ZNF182: variants seen among roughly 807,000 people sequenced by gnomAD.
ZNF182 encodes the protein zinc finger protein 182, also known as zinc finger protein 21 (KOX 14).
A neutral mutation model predicts 28.1 loss-of-function variants in ZNF182; 10 were observed. That is an observed-to-expected ratio of 0.36 (90% CI 0.22 to 0.60). The LOEUF (loss-of-function observed/expected upper bound fraction) is 0.60. ZNF182 is among the 20% of genes least tolerant of loss of function. The pLI is 0.75. For synonymous variants in ZNF182, 156 were observed against 158.7 expected, an observed-to-expected ratio of 0.98 and a Z score of 0.13; for missense variants, 352 against 453.2, an observed-to-expected ratio of 0.78 and a Z score of 2.03.
chrX:47,984,603 G>A (rs1272637235), intron 3 of ZNF182, among the ~76,000 whole-genome samples: 1 of 111,248 alleles, frequency 9.0e-6, no homozygotes, highest in Non-Finnish European at 1.9e-5. Flanking sequence ...ACTGCATGTT[G>A]TGAAGCAGGT....
Position 47,977,664 on chromosome X carries a change from T to C in ZNF182, c.366A>G (p.Gly122=). The change falls in exon 6 of 6, where the codon GGA becomes GGG. Residue 122 remains glycine (G), a synonymous_variant. Transcript: ENST00000376943. ...GGTTTGTACTCAGATGAAGTATGTT[T>C]CCAAACTCATGACAGTCACGAGCAC... is the stretch of plus-strand genomic sequence containing the variant. ...TKSARDCHEF[G]NILHLSTNLV... 1 of 1,211,533 alleles carries C rather than the reference T, an allele frequency of 8.3e-7. No homozygotes were observed. The highest frequency in any genetic ancestry group is 1.1e-6 in the Non-Finnish European group (1 of 895,298).
Position 47,976,452 on chromosome X carries a change from A to C in ZNF182, c.1578T>G (p.Pro526=), listed in dbSNP as rs201458887. 150 of 1,209,942 alleles carry C rather than the reference A, an allele frequency of 1.2e-4. No homozygotes were observed. Among genetic ancestry groups the C allele is most frequent in the Non-Finnish European group, 1.1e-4 (96 of 895,277 alleles). The part of the protein sequence containing the change: ...IHTGEKPYEC[P]VCWKAFSQKS... The stretch of plus-strand genomic sequence containing the variant: ...TCTGGCTAAAAGCTTTCCAACACAC[A>C]GGACATTCATAAGGTTTCTCTCCTG... Residue 526 remains proline, a synonymous_variant, in exon 6 of 6, where the codon CCT becomes CCG. Transcript: ENST00000376943.
chrX:47,979,826 A>G (rs2058898063), intron 5 of ZNF182, among the ~76,000 whole-genome samples: 1 of 109,268 alleles, frequency 9.2e-6, no homozygotes, highest in Non-Finnish European at 1.9e-5. Flanking sequence ...ATTTTGAGCC[A>G]TAGGAGAGGG....
intron 5 of ZNF182, among the ~76,000 whole-genome samples, chrX:47,982,290 C>G (rs1157238583): frequency 9.0e-6 from 1 of 111,443 alleles, no homozygotes; most frequent in African/African-American, 3.3e-5. Flanking sequence ...CAAAATAGAT[C>G]AGTGGTTGCC....
In ZNF182 at chrX:47,977,332, T is replaced by C; in HGVS notation, c.698A>G (p.His233Arg). The C allele has an allele frequency of 8.3e-7, 1 of 1,208,809 alleles. No individual in the cohort carries two copies. Among genetic ancestry groups the C allele is most frequent in the Non-Finnish European group, 1.1e-6 (1 of 894,642 alleles). The change falls in exon 6 of 6, where the codon CAT becomes CGT. Residue 233 changes from histidine (H) to arginine (R), a missense_variant. His to Arg is a conservative substitution (Grantham distance 29). Transcript: ENST00000376943. ...TFSKKSHLIV[H>R]WRTHTGEKPF... ...TTTCTCTCCCGTATGAGTTCTCCAATGTACAATGAGGTGTGACTTCTTGCT... is the reference window on the plus strand; with the variant it reads ...TTTCTCTCCCGTATGAGTTCTCCAACGTACAATGAGGTGTGACTTCTTGCT...
At position 47,976,288 on chromosome X, in the gene ZNF182, C is replaced by T. The variant is rs1556898087; in HGVS notation, c.1742G>A (p.Cys581Tyr). ...GGTAAAGGCTTTCCCACATTCTGTACATTTATAGGGTTTCTCTCCAGTATG... is the reference window on the plus strand; with the variant it reads ...GGTAAAGGCTTTCCCACATTCTGTATATTTATAGGGTTTCTCTCCAGTATG... ...RTHTGEKPYK[C>Y]TECGKAFTQK... Residue 581 changes from cysteine to tyrosine, a missense_variant, in exon 6 of 6, where the codon TGT becomes TAT. By Grantham distance (194) the Cys-to-Tyr change is radical. Transcript: ENST00000376943. 8.3e-7 allele frequency: 1 copy of T among 1,206,877 alleles called. No individual in the cohort carries two copies. Among genetic ancestry groups the T allele is most frequent in the Non-Finnish European group, 1.1e-6 (1 of 893,804 alleles).
At chrX:47,980,383 G>A (rs2058901343) in intron 5 of ZNF182, among the ~76,000 whole-genome samples, 1 of 111,374 alleles carries the variant, frequency 9.0e-6, no homozygotes, top group Non-Finnish European at 1.9e-5. Flanking sequence ...GTGTTACATT[G>A]CACAGCAGGG....
chrX:47,988,968 T>A (rs2058932166), intron 3 of ZNF182, among the ~76,000 whole-genome samples: 1 of 112,415 alleles, frequency 8.9e-6, no homozygotes. Context: ...AATCAATGGA[T>A]AATAATACTA....
intron 3 of ZNF182, among the ~76,000 whole-genome samples, chrX:47,987,012 A>G (rs1251547944): frequency 1.8e-5 from 2 of 112,013 alleles, no homozygotes; most frequent in African/African-American, 6.5e-5. Flanking sequence ...CAGCTTGCAG[A>G]AAACCTACTG....
chrX:47,980,185 A>G (rs2058900551), intron 5 of ZNF182, among the ~76,000 whole-genome samples: 1 of 111,386 alleles, frequency 9.0e-6, no homozygotes, highest in Non-Finnish European at 1.9e-5. Flanking sequence ...TGTTAAGTGA[A>G]ATAAGCCAGG....
At chrX:47,996,389 A>G (rs1438756898) in intron 3 of ZNF182, among the ~76,000 whole-genome samples, 1 of 111,660 alleles carries the variant, frequency 9.0e-6, no homozygotes, top group Non-Finnish European at 1.9e-5. Flanking sequence ...ATAGTAAAAA[A>G]CACAATAGAC....
At chrX:47,982,695 CTCTT>C (rs1322645958) in intron 5 of ZNF182, among the ~76,000 whole-genome samples, 13 of 111,065 alleles carry the variant, frequency 1.2e-4, no homozygotes, top group African/African-American at 4.3e-4. Flanking sequence ...ATTTAAAAGA[CTCTT>C]TCATACGGGA....
intron 3 of ZNF182, among the ~76,000 whole-genome samples, chrX:47,998,572 G>C (rs1185934793): frequency 8.9e-6 from 1 of 112,523 alleles, no homozygotes; most frequent in Admixed American, 9.4e-5. Context: ...CGTGCTTAGA[G>C]GAGGCCGGGT....
In ZNF182 at chrX:47,976,672, T is replaced by C. The variant is rs2058885407; in HGVS notation, c.1358A>G (p.Tyr453Cys). 8.3e-7 allele frequency: 1 copy of C among 1,208,736 alleles called. No individual in the cohort carries two copies. The highest frequency in any genetic ancestry group is 1.1e-6 in the Non-Finnish European group (1 of 893,948). ...ATGACCTCTCTGATGCAGCATGAGG[T>C]AGGACTTCTGAGAGAAGGCTTTCTC... ...ECEKAFSQKS[Y>C]LMLHQRGHTG... The change falls in exon 6 of 6, where the codon TAC becomes TGC. Residue 453 changes from tyrosine to cysteine, a missense_variant. By Grantham distance (194) the Tyr-to-Cys change is radical (BLOSUM62 -2). Coordinates refer to ENST00000376943, the MANE Select transcript of ZNF182 (RefSeq NM_001007088.2).
In ZNF182 at chrX:48,000,561, CA is replaced by C. The variant is rs1366025777; in HGVS notation, c.15+2033del. On this transcript the variant is annotated intron_variant, in intron 3 of 5. Transcript: ENST00000376943. ...TGGGGAACAGAGTGAGACTCCATCTCAAAAAAAAAAAATTAATGCAAAAGGA... is the reference window on the plus strand; with the variant it reads ...TGGGGAACAGAGTGAGACTCCATCTCAAAAAAAAAAATTAATGCAAAAGGA... 3.0e-3 allele frequency among the ~76,000 whole-genome samples: 298 copies of C among 98,378 alleles called. 1 individual carries two copies. Among genetic ancestry groups the C allele is most frequent in the Non-Finnish European group, 3.7e-3 (180 of 48,194 alleles). 85.4% of individuals were successfully genotyped at this position (98,378 alleles called of 115,157 possible).
At chrX:47,994,411 G>T (rs1310684810) in intron 3 of ZNF182, among the ~76,000 whole-genome samples, 1 of 111,784 alleles carries the variant, frequency 8.9e-6, no homozygotes, top group African/African-American at 3.3e-5. Context: ...CCTAAAGGAA[G>T]TTCTTCTAAC....
Position 47,977,428 on chromosome X carries a change from C to G in ZNF182, c.602G>C (p.Gly201Ala). Residue 201 changes from glycine (G) to alanine (A), a missense_variant, in exon 6 of 6, where the codon GGC becomes GCC. Transcript: ENST00000376943. ...TTTAATTCTCTGATGTAGACTAAGGCCTTTCTTTCGCCTAAGACCTTTCCC... is the reference window on the plus strand; with the variant it reads ...TTTAATTCTCTGATGTAGACTAAGGGCTTTCTTTCGCCTAAGACCTTTCCC... The part of the protein sequence containing the change: ...ECGKGLRRKK[G>A]LSLHQRIKNG... 3 of 1,210,029 alleles carry G rather than the reference C, an allele frequency of 2.5e-6. No individual in the cohort carries two copies. The highest frequency in any genetic ancestry group is 3.4e-6 in the Non-Finnish European group (3 of 895,096).
At chrX:47,997,180 G>A (rs1433887161) in intron 3 of ZNF182, among the ~76,000 whole-genome samples, 2 of 108,155 alleles carry the variant, frequency 1.8e-5, no homozygotes, top group Admixed American at 1.0e-4. Flanking sequence ...TTAGCCAGTC[G>A]TGGTGGTGTG....
chrX:47,975,405 T>C lies in ZNF182; in HGVS notation c.*762A>G, dbSNP rs1464047005. ...CAAAAACCAAATGCATTTGTGGTTT[T>C]GATTACTTTTGAATAATTCCTCTTT... On this transcript the variant is annotated 3_prime_UTR_variant, in exon 6 of 6. Coordinates refer to ENST00000376943, the MANE Select transcript of ZNF182 (RefSeq NM_001007088.2). The C allele has an allele frequency of 8.9e-6, 1 of 112,739 alleles. No homozygotes were observed. Among genetic ancestry groups the C allele is most frequent in the Non-Finnish European group, 1.9e-5 (1 of 53,298 alleles). 9.3% of individuals were successfully genotyped at this position (112,739 alleles called of 1,213,427 possible). A position where few individuals can be genotyped will look rare whatever the true frequency, so the allele number is the denominator to read the frequency against.
Sources: gnomAD v4.1 joint callset for allele counts (sites outside exome capture counted in the v4.1 genomes callset) on GRCh38, gnomAD v4.1.1 for gene constraint, MANE v1.5 for transcripts, NCBI Gene and HGNC (gene_info 2026-07-23, HGNC 2026-07-21) for gene names.